Variants in CPVL observed in about 807,000 individuals in gnomAD.
CPVL encodes the protein probable serine carboxypeptidase CPVL.
In CPVL, 51 loss-of-function variants were observed where a neutral mutation model predicts 63.7. The observed-to-expected ratio is 0.80, with a 90% confidence interval of 0.64 to 1.01. The LOEUF is 1.01. Among genes scored for constraint, CPVL ranks in the 50% least tolerant of loss-of-function variants. The pLI, the probability that CPVL is intolerant of heterozygous loss-of-function variation, is 0.00. For synonymous variants in CPVL, 195 were observed against 206.0 expected (o/e 0.95, Z 0.46); for missense variants, 530 against 573.1 (o/e 0.92, Z 0.77).
intron 12 of CPVL, 31 bp from the exon 13 acceptor site, chr7:28,995,913 T>A: frequency 8.0e-7 from 1 of 1,254,552 alleles, no homozygotes; most frequent in Non-Finnish European, 1.1e-6. Flanking sequence ...GAACGGAAAT[T>A]TAGAGAAATG....
chr7:29,112,167 A>G (rs1464987696), intron 3 of CPVL, among the ~76,000 whole-genome samples: 2 of 152,168 alleles, frequency 1.3e-5, no homozygotes, highest in Non-Finnish European at 2.9e-5. Flanking sequence ...AAAGATCCAT[A>G]GAGTCTGAGT....
chr7:29,189,048 T>C (rs2128751960), intron 1 of CPVL, among the ~76,000 whole-genome samples: 1 of 151,798 alleles, frequency 6.6e-6, no homozygotes, highest in South Asian at 2.1e-4. Flanking sequence ...CCTCCTGGGT[T>C]CAAGCAATTC....
intron 11 of CPVL, among the ~76,000 whole-genome samples, chr7:29,050,803 A>G (rs1489096164): frequency 7.8e-6 from 1 of 127,764 alleles, no homozygotes; most frequent in African/African-American, 2.8e-5. Flanking sequence ...GAGACTAAGC[A>G]AAAAAAAAAA....
At chr7:29,036,564 G>A (rs145817419) in intron 11 of CPVL, among the ~76,000 whole-genome samples, 5 of 152,138 alleles carry the variant, frequency 3.3e-5, no homozygotes, top group East Asian at 1.9e-4. Flanking sequence ...TCAAGCTCTC[G>A]AAATAATAAC....
intron 3 of CPVL, among the ~76,000 whole-genome samples, chr7:29,101,704 C>T (rs905259877): frequency 1.3e-5 from 2 of 151,950 alleles, no homozygotes; most frequent in African/African-American, 4.8e-5. Flanking sequence ...TTTTTAACAG[C>T]CCCTCTTCCC....
rs528356165 is a variant in CPVL at position 29,100,296 on chromosome 7, C to G, written c.289-4079G>C. 2.6e-5 allele frequency among the ~76,000 whole-genome samples: 4 copies of G among 152,314 alleles called. No homozygotes were observed. In the South Asian group the frequency reaches 8.3e-4, roughly 32 times the overall value. On this transcript the variant is annotated intron_variant, in intron 3 of 12. Coordinates refer to ENST00000265394, the MANE Select transcript of CPVL (RefSeq NM_031311.5). ...CATTAAAACATTTTGGAGAGCTTTTCTCTTTTGGAGAGTAGTATTTTTATA... is the reference window on the plus strand; with the variant it reads ...CATTAAAACATTTTGGAGAGCTTTTGTCTTTTGGAGAGTAGTATTTTTATA...
At chr7:29,147,924 TA>T (rs1434683355), upstream of CPVL, among the ~76,000 whole-genome samples, 1 of 152,212 alleles carries the variant, frequency 6.6e-6, no homozygotes, top group East Asian at 1.9e-4. Flanking sequence ...GATCTGCACT[TA>T]AATATGATGG....
At chr7:29,019,650 G>A (rs1786759775) in intron 12 of CPVL, among the ~76,000 whole-genome samples, 1 of 152,188 alleles carries the variant, frequency 6.6e-6, no homozygotes. Flanking sequence ...TCTGTTTTGT[G>A]TGTCTAATGC....
At chr7:29,176,733 AAAC>A (rs1797398076) in intron 5 of CPVL, among the ~76,000 whole-genome samples, 2 of 152,200 alleles carry the variant, frequency 1.3e-5, no homozygotes, top group Admixed American at 6.5e-5. Context: ...TGACAGTATA[AAAC>A]AACAAATAAT....
At chr7:29,117,584 A>G (rs1400652498) in intron 2 of CPVL, among the ~76,000 whole-genome samples, 1 of 152,180 alleles carries the variant, frequency 6.6e-6, no homozygotes, top group Non-Finnish European at 1.5e-5. Flanking sequence ...CTGCTCATAT[A>G]GCATAGTGGT....
At chr7:29,180,507 G>A (rs1230090558) in intron 5 of CPVL, among the ~76,000 whole-genome samples, 2 of 150,866 alleles carry the variant, frequency 1.3e-5, no homozygotes, top group East Asian at 2.0e-4. Flanking sequence ...GCGACAGAGC[G>A]ACAGAGCGAC....
rs1458820096 is a variant in CPVL at position 28,995,860 on chromosome 7, T to C, written c.1343A>G (p.His448Arg). 6.3e-7 allele frequency: 1 copy of C among 1,595,212 alleles called. No homozygotes were observed. Among genetic ancestry groups the C allele is most frequent in the Admixed American group, 1.8e-5 (1 of 55,496 alleles). ...FHQVIIRGGGHILPYDQPLRA... is the reference protein window; with the variant it reads ...FHQVIIRGGGRILPYDQPLRA... ...CAGAGGCTGGTCATAGGGTAAAATA[T>C]GTCCTCCACCTCGAATAATTACCTT... is the stretch of plus-strand genomic sequence containing the variant. Residue 448 changes from histidine (H) to arginine (R), a missense_variant, in exon 13 of 13, where the codon CAT becomes CGT. By Grantham distance (29) the His-to-Arg change is conservative. Transcript: ENST00000265394.
At chr7:29,136,807 A>G (rs1335222095) in intron 1 of CPVL, among the ~76,000 whole-genome samples, 1 of 152,146 alleles carries the variant, frequency 6.6e-6, no homozygotes, top group Non-Finnish European at 1.5e-5. Flanking sequence ...TTACTTCCCT[A>G]TTTTTCATCT....
chr7:29,117,412 A>G (rs1185055815), intron 2 of CPVL, among the ~76,000 whole-genome samples: 1 of 152,178 alleles, frequency 6.6e-6, no homozygotes, highest in East Asian at 1.9e-4. Flanking sequence ...GGTCACTTTC[A>G]CTTAATGCCT....
At chr7:28,996,818 G>A (rs1784120667) in intron 12 of CPVL, among the ~76,000 whole-genome samples, 1 of 152,014 alleles carries the variant, frequency 6.6e-6, no homozygotes, top group African/African-American at 2.4e-5. Context: ...AAAGTAAAAT[G>A]GGCATGTAGT....
At chr7:29,163,506 A>C (rs115141944) in intron 5 of CPVL, among the ~76,000 whole-genome samples, 1,731 of 152,304 alleles carry the variant, frequency 0.011, 40 homozygotes, top group African/African-American at 0.04. Context: ...GTTAATGGGC[A>C]TATGCATATG....
intron 1 of CPVL, among the ~76,000 whole-genome samples, chr7:29,135,506 G>T (rs1791115257): frequency 6.6e-6 from 1 of 151,688 alleles, no homozygotes; most frequent in South Asian, 2.1e-4. Flanking sequence ...TAATTTTTTT[G>T]TATTTTTAGT....
intron 9 of CPVL, among the ~76,000 whole-genome samples, chr7:29,071,018 A>G (rs317720): frequency 0.93 from 141,190 of 152,174 alleles, 66,057 homozygotes; most frequent in Non-Finnish European, 0.99. Context: ...ATTTACTACC[A>G]TGTCAAACAT....
intron 4 of CPVL, among the ~76,000 whole-genome samples, chr7:29,184,233 GATATAC>G (rs1335369181): frequency 2.2e-4 from 33 of 150,000 alleles, no homozygotes; most frequent in Admixed American, 6.7e-5. Context: ...ATATATAGGA[GATATAC>G]ATATACAATC....
Sources: allele counts gnomAD v4.1 joint callset (sites outside exome capture counted in the v4.1 genomes callset), GRCh38; gene constraint gnomAD v4.1.1; transcripts MANE v1.5; gene names NCBI Gene and HGNC (gene_info 2026-07-23, HGNC 2026-07-21).